Variants in SPSB4 observed in about 807,000 individuals in gnomAD.
SPSB4 encodes the protein SPRY domain-containing SOCS box protein 4.
In SPSB4, 21 loss-of-function variants were observed where a neutral mutation model predicts 20.9. The observed-to-expected ratio is 1.01, with a 90% confidence interval of 0.71 to 1.45. The LOEUF (loss-of-function observed/expected upper bound fraction) is 1.45, where lower values mean the gene tolerates loss of function less well. SPSB4 is among the 40% of genes most tolerant of loss of function. SPSB4 has a pLI of 0.00. For synonymous variants in SPSB4, 207 were observed against 183.8 expected (o/e 1.13, Z -1.02); for missense variants, 399 against 399.2 (o/e 1.00, Z 0.00).
intron 2 of SPSB4, among the ~76,000 whole-genome samples, chr3:141,126,801 A>C (rs1422619564): frequency 6.6e-6 from 1 of 152,058 alleles, no homozygotes; most frequent in Admixed American, 6.6e-5. Context: ...GCCCACTCCG[A>C]CCCCTTCCAT....
intron 2 of SPSB4, among the ~76,000 whole-genome samples, chr3:141,089,322 T>C (rs1230604111): frequency 6.6e-6 from 1 of 152,178 alleles, no homozygotes; most frequent in Admixed American, 6.5e-5. Flanking sequence ...TTCCAGCCCA[T>C]ACGTCCAGCA....
At chr3:141,053,434 C>G (rs1357494879) in intron 1 of SPSB4, among the ~76,000 whole-genome samples, 1 of 152,030 alleles carries the variant, frequency 6.6e-6, no homozygotes, top group East Asian at 1.9e-4. Flanking sequence ...AAATATCTCT[C>G]CAGTTTGTAT....
chr3:141,056,813 G>T (rs922008512), intron 1 of SPSB4, among the ~76,000 whole-genome samples: 1 of 152,250 alleles, frequency 6.6e-6, no homozygotes, highest in Non-Finnish European at 1.5e-5. Flanking sequence ...GGGCTCAGGG[G>T]CAGCTGTGGT....
chr3:141,107,199 A>G (rs1442077118), intron 2 of SPSB4, among the ~76,000 whole-genome samples: 1 of 152,258 alleles, frequency 6.6e-6, no homozygotes, highest in Non-Finnish European at 1.5e-5. Context: ...TGTTTTACCT[A>G]AAGGGCAGGT....
intron 1 of SPSB4, among the ~76,000 whole-genome samples, chr3:141,053,795 A>G (rs1936135989): frequency 6.6e-6 from 1 of 152,206 alleles, no homozygotes; most frequent in Non-Finnish European, 1.5e-5. Flanking sequence ...AGCATCTTTT[A>G]AAAATGTAGA....
At chr3:141,067,642 C>T (rs867273855) in intron 2 of SPSB4, among the ~76,000 whole-genome samples, 1 of 152,158 alleles carries the variant, frequency 6.6e-6, no homozygotes, top group Non-Finnish European at 1.5e-5. Context: ...GGAACAAAGA[C>T]GGTTATTGGT....
chr3:141,115,124 G>A (rs561332763), intron 2 of SPSB4: 1 of 152,336 alleles, frequency 6.6e-6, no homozygotes, highest in South Asian at 2.1e-4. Flanking sequence ...GACACTAAAT[G>A]GGGTTTAAAA....
At chr3:141,104,296 A>T (rs189675993) in intron 2 of SPSB4, among the ~76,000 whole-genome samples, 1 of 152,260 alleles carries the variant, frequency 6.6e-6, no homozygotes, top group African/African-American at 2.4e-5. Context: ...AGCAAAGGCA[A>T]GGGGCTGGAA....
intron 2 of SPSB4, among the ~76,000 whole-genome samples, chr3:141,074,102 A>T (rs1027292207): frequency 6.6e-6 from 1 of 152,234 alleles, no homozygotes; most frequent in Non-Finnish European, 1.5e-5. Context: ...CAGGACAAGC[A>T]TCACCGTGGG....
chr3:141,065,286 A>G (rs1235622889), intron 1 of SPSB4, among the ~76,000 whole-genome samples: 1 of 151,904 alleles, frequency 6.6e-6, no homozygotes, highest in Non-Finnish European at 1.5e-5. Context: ...CCATCTTCCC[A>G]CGCTGCCTGA....
At chr3:141,096,205 C>T (rs892444815) in intron 2 of SPSB4, among the ~76,000 whole-genome samples, 18 of 152,130 alleles carry the variant, frequency 1.2e-4, no homozygotes, top group African/African-American at 4.1e-4. Context: ...ATGCGACAAC[C>T]ACCCAGGGCC....
intron 2 of SPSB4, among the ~76,000 whole-genome samples, chr3:141,099,963 C>T (rs948919046): frequency 6.6e-6 from 1 of 152,180 alleles, no homozygotes; most frequent in African/African-American, 2.4e-5. Context: ...GCCCAAAAAG[C>T]CACAGTTTTG....
At chr3:141,100,320 G>T (rs1418079198) in intron 2 of SPSB4, among the ~76,000 whole-genome samples, 1 of 152,192 alleles carries the variant, frequency 6.6e-6, no homozygotes, top group Admixed American at 6.5e-5. Context: ...GGTCATCAGG[G>T]TGGGCCTGAA....
At chr3:141,054,179 T>A (rs1462565736) in intron 1 of SPSB4, among the ~76,000 whole-genome samples, 1 of 152,206 alleles carries the variant, frequency 6.6e-6, no homozygotes, top group Non-Finnish European at 1.5e-5. Flanking sequence ...CAGGAGTTAC[T>A]TAATTTCCCC....
At chr3:141,140,232 C>T (rs528300157) in intron 2 of SPSB4, among the ~76,000 whole-genome samples, 14 of 152,194 alleles carry the variant, frequency 9.2e-5, no homozygotes, top group Non-Finnish European at 1.2e-4. Flanking sequence ...GTTATCCATT[C>T]GTCTAATTTT....
intron 2 of SPSB4, among the ~76,000 whole-genome samples, chr3:141,111,765 T>A (rs1298681987): frequency 6.6e-6 from 1 of 152,160 alleles, no homozygotes; most frequent in Non-Finnish European, 1.5e-5. Context: ...AAAGACAAAG[T>A]GCTTTGTAAG....
At chr3:141,139,102 T>A (rs1486041261) in intron 2 of SPSB4, among the ~76,000 whole-genome samples, 1 of 152,234 alleles carries the variant, frequency 6.6e-6, no homozygotes, top group African/African-American at 2.4e-5. Flanking sequence ...GCCTTCTTTG[T>A]CTCTTTTGAT....
At chr3:141,145,364 C>T (rs1206265329) in intron 2 of SPSB4, among the ~76,000 whole-genome samples, 2 of 152,098 alleles carry the variant, frequency 1.3e-5, no homozygotes, top group East Asian at 1.9e-4. Flanking sequence ...AAAGCATGCT[C>T]CCCAAGCCCC....
At chr3:141,074,542 C>T (rs145133360) in intron 2 of SPSB4, among the ~76,000 whole-genome samples, 58 of 152,320 alleles carry the variant, frequency 3.8e-4, no homozygotes, top group African/African-American at 1.4e-3. Flanking sequence ...GGAAATGCCA[C>T]CTGAGGTTCA....
Sources: allele counts gnomAD v4.1 joint callset (sites outside exome capture counted in the v4.1 genomes callset), GRCh38; gene constraint gnomAD v4.1.1; transcripts MANE v1.5; gene names NCBI Gene and HGNC (gene_info 2026-07-23, HGNC 2026-07-21).